KLHL1: variants seen among roughly 807,000 people sequenced by gnomAD.
KLHL1 encodes the protein kelch like family member 1, also known as kelch-like protein 1.
A neutral mutation model predicts 77.7 loss-of-function variants in KLHL1; 47 were observed. That is an observed-to-expected ratio of 0.60 (90% confidence interval 0.48 to 0.77). KLHL1 has a LOEUF of 0.77. Ranked by LOEUF, KLHL1 falls within the 30% of genes least tolerant of loss-of-function variation. The probability of loss-of-function intolerance (pLI) is 0.00; values close to 1 mark genes in which losing one functional copy is unlikely to be tolerated. For synonymous variants in KLHL1, 360 were observed against 325.2 expected (o/e 1.11, Z -1.15); for missense variants, 925 against 910.8 (o/e 1.02, Z -0.20).
At chr13:70,026,865 CAAAT>C (rs890469695) in intron 1 of KLHL1, among the ~76,000 whole-genome samples, 26 of 151,714 alleles carry the variant, frequency 1.7e-4, no homozygotes, top group African/African-American at 5.6e-4. Flanking sequence ...TAAAAAAAGA[CAAAT>C]AGAGGACTAA....
rs549685984 is a variant in KLHL1, at chr13:69,837,821, C to T, written c.1414+1155G>A. Among the ~76,000 whole-genome samples the T allele has an allele frequency of 4.0e-5, 6 of 151,084 alleles. No individual in the cohort carries two copies. The South Asian group carries it at 1.2e-3, about 31-fold the overall frequency. Reference sequence around the variant, plus strand: ...TTTTAAAGAAGTTTCTAAGGCTTTCCTTCTTCAATAATAGTATATTCTAAG... The same window carrying T: ...TTTTAAAGAAGTTTCTAAGGCTTTCTTTCTTCAATAATAGTATATTCTAAG... On this transcript the variant is annotated intron_variant, in intron 6 of 10. Coordinates refer to ENST00000377844, the MANE Select transcript of KLHL1 (RefSeq NM_020866.3).
chr13:70,084,461 C>CTT lies in KLHL1; in HGVS notation c.497+22740_497+22741dup, dbSNP rs1324246935. ...GATATTTTCTAGTCTATTTCTTCTT[C>CTT]TTCTTTTTTTTTTTTTGAGACGGAG... On this transcript the variant is annotated intron_variant, in intron 1 of 10. Transcript: ENST00000377844. Among the ~76,000 whole-genome samples the CTT allele has an allele frequency of 2.6e-5, 3 of 115,128 alleles. 1 individual carries two copies. Among genetic ancestry groups the CTT allele is most frequent in the East Asian group, 4.8e-4 (2 of 4,164 alleles). The allele number at this position is 115,128 out of a possible 152,430, so 75.5% of individuals were successfully genotyped here. A position where few individuals can be genotyped will look rare whatever the true frequency, so the allele number is the denominator to read the frequency against.
intron 7 of KLHL1, among the ~76,000 whole-genome samples, chr13:69,757,793 T>TA (rs1555265811): frequency 6.6e-6 from 1 of 151,284 alleles, no homozygotes; most frequent in Admixed American, 6.6e-5. Flanking sequence ...TCGTCCCTAC[T>TA]AAAAATGCAA....
intron 1 of KLHL1, among the ~76,000 whole-genome samples, chr13:70,027,247 T>A (rs1214814104): frequency 2.6e-5 from 4 of 152,150 alleles, no homozygotes; most frequent in African/African-American, 9.7e-5. Flanking sequence ...AAACATTATA[T>A]TCCTGAGCAC....
intron 4 of KLHL1, among the ~76,000 whole-genome samples, chr13:69,932,712 T>A (rs1182835096): frequency 1.3e-5 from 2 of 151,972 alleles, no homozygotes; most frequent in African/African-American, 2.4e-5. Flanking sequence ...TTTATATAGC[T>A]ATGTGTTATA....
At chr13:69,805,698 A>C (rs539313041) in intron 6 of KLHL1, among the ~76,000 whole-genome samples, 17 of 151,402 alleles carry the variant, frequency 1.1e-4, no homozygotes, top group Admixed American at 2.0e-4. Flanking sequence ...AAACAAAAAA[A>C]AAAACAAAAC....
chr13:69,887,851 T>C (rs775070864), intron 4 of KLHL1, among the ~76,000 whole-genome samples: 5 of 152,220 alleles, frequency 3.3e-5, no homozygotes, highest in Non-Finnish European at 7.4e-5. Context: ...TATCAGTTTA[T>C]TCTAGTATGC....
chr13:69,734,823 C>T (rs1200584086), intron 8 of KLHL1, among the ~76,000 whole-genome samples: 1 of 152,004 alleles, frequency 6.6e-6, no homozygotes, highest in Admixed American at 6.6e-5. Flanking sequence ...ATAATAGTGT[C>T]CATAAAACTT....
intron 7 of KLHL1, among the ~76,000 whole-genome samples, chr13:69,777,237 A>G (rs1875877175): frequency 6.6e-6 from 1 of 152,134 alleles, no homozygotes; most frequent in African/African-American, 2.4e-5. Context: ...CTGTAAGTCT[A>G]TTAAACCTCT....
chr13:70,011,377 T>C (rs1885530206), intron 1 of KLHL1, among the ~76,000 whole-genome samples: 1 of 152,236 alleles, frequency 6.6e-6, no homozygotes, highest in South Asian at 2.1e-4. Flanking sequence ...TTTAGTATTT[T>C]AATACAATAT....
chr13:69,795,613 G>A (rs1223594802), intron 7 of KLHL1, among the ~76,000 whole-genome samples: 1 of 152,076 alleles, frequency 6.6e-6, no homozygotes, highest in African/African-American at 2.4e-5. Flanking sequence ...AATTTACAAA[G>A]TGATTTCATA....
intron 5 of KLHL1, among the ~76,000 whole-genome samples, chr13:69,876,508 A>G (rs1232361946): frequency 1.3e-5 from 2 of 152,222 alleles, no homozygotes; most frequent in Non-Finnish European, 1.5e-5. Flanking sequence ...AAATACTTGA[A>G]TGTCCTTGTT....
intron 1 of KLHL1, among the ~76,000 whole-genome samples, chr13:70,054,380 G>C (rs1455780734): frequency 6.6e-6 from 1 of 151,896 alleles, no homozygotes; most frequent in African/African-American, 2.4e-5. Flanking sequence ...GTTTCTAGAG[G>C]TTTTTTATGT....
intron 4 of KLHL1, among the ~76,000 whole-genome samples, chr13:69,899,784 T>C (rs1881792751): frequency 6.6e-6 from 1 of 152,068 alleles, no homozygotes; most frequent in Admixed American, 6.5e-5. Context: ...TCACAAAGAA[T>C]CTTTCTTGAG....
chr13:70,067,108 A>C (rs1487619502), intron 1 of KLHL1, among the ~76,000 whole-genome samples: 4 of 152,218 alleles, frequency 2.6e-5, no homozygotes, highest in Non-Finnish European at 4.4e-5. Context: ...GTTCAGCTTG[A>C]CAAACCTGTT....
At chr13:69,964,123 C>A (rs1884146721) in intron 2 of KLHL1, among the ~76,000 whole-genome samples, 1 of 152,046 alleles carries the variant, frequency 6.6e-6, no homozygotes, top group African/African-American at 2.4e-5. Flanking sequence ...AGCTCACTGG[C>A]ACCTCAAACT....
intron 2 of KLHL1, among the ~76,000 whole-genome samples, chr13:69,964,284 C>A (rs1453744967): frequency 6.6e-6 from 1 of 152,148 alleles, no homozygotes; most frequent in Non-Finnish European, 1.5e-5. Flanking sequence ...TTGAGTAATC[C>A]TCCTGCCTTA....
At chr13:69,926,590 G>T (rs1444281089) in intron 4 of KLHL1, among the ~76,000 whole-genome samples, 1 of 152,006 alleles carries the variant, frequency 6.6e-6, no homozygotes, top group Non-Finnish European at 1.5e-5. Flanking sequence ...AAATTGGCAA[G>T]ATAATACCAA....
chr13:69,720,403 T>C (rs1010613434), intron 8 of KLHL1, among the ~76,000 whole-genome samples: 3 of 152,078 alleles, frequency 2.0e-5, no homozygotes, highest in Non-Finnish European at 4.4e-5. Flanking sequence ...TATTTTTGAA[T>C]GGTTAGGGTG....
Sources: gnomAD v4.1 joint callset for allele counts (sites outside exome capture counted in the v4.1 genomes callset) on GRCh38, gnomAD v4.1.1 for gene constraint, MANE v1.5 for transcripts, NCBI Gene and HGNC (gene_info 2026-07-23, HGNC 2026-07-21) for gene names.